SLC22A23: variants seen among roughly 807,000 people sequenced by gnomAD.
The protein encoded by SLC22A23 is ion transporter protein.
In SLC22A23, 26 loss-of-function variants were observed where a neutral mutation model predicts 61.0. The observed-to-expected ratio is 0.43, with a 90% confidence interval of 0.31 to 0.59. The LOEUF is 0.59. Ranked by LOEUF, SLC22A23 falls within the 20% of genes least tolerant of loss-of-function variation. The pLI is 0.11. For missense variants in SLC22A23, 796 were observed against 934.7 expected, an observed-to-expected ratio of 0.85 and a Z score of 1.94; for synonymous variants, 430 against 413.9, an observed-to-expected ratio of 1.04 and a Z score of -0.47.
At chr6:3,419,536 G>A (rs1769976734) in intron 1 of SLC22A23, among the ~76,000 whole-genome samples, 1 of 152,218 alleles carries the variant, frequency 6.6e-6, no homozygotes, top group African/African-American at 2.4e-5. Flanking sequence ...TCAGAGGGGA[G>A]GAAGGGAGGC....
At chr6:3,377,966 T>A (rs1766688416) in intron 3 of SLC22A23, 2 of 152,184 alleles carry the variant, frequency 1.3e-5, no homozygotes, top group South Asian at 4.1e-4. Context: ...TGTTGCTGTT[T>A]CACAGCTCCT....
At chr6:3,397,308 T>C (rs943536841) in intron 3 of SLC22A23, among the ~76,000 whole-genome samples, 1 of 152,168 alleles carries the variant, frequency 6.6e-6, no homozygotes, top group Non-Finnish European at 1.5e-5. Flanking sequence ...CACTCAGCAG[T>C]GAAAAAGTTC....
rs185213242 is a variant in SLC22A23, at chr6:3,446,486, G to A, written c.654+9420C>T. 4.7e-4 allele frequency among the ~76,000 whole-genome samples: 72 copies of A among 152,324 alleles called. No homozygotes were observed. In the Middle Eastern group the frequency reaches 0.017, roughly 36 times the overall value. On this transcript the variant is annotated intron_variant, in intron 1 of 9. Coordinates refer to ENST00000406686, the MANE Select transcript of SLC22A23 (RefSeq NM_015482.2). Reference sequence around the variant, plus strand: ...CATATCTGGGTCTTTCAGCTGTGTGGAAACTTAATTAGCATCCTCCCTTGT... The same window carrying A: ...CATATCTGGGTCTTTCAGCTGTGTGAAAACTTAATTAGCATCCTCCCTTGT...
chr6:3,348,947 C>T (rs1352561825), intron 3 of SLC22A23, among the ~76,000 whole-genome samples: 5 of 152,220 alleles, frequency 3.3e-5, no homozygotes, highest in Non-Finnish European at 5.9e-5. Context: ...GTCTCTCCAG[C>T]GTTCATCACC....
chr6:3,385,921 A>T (rs1346240283), intron 3 of SLC22A23, among the ~76,000 whole-genome samples: 1 of 152,208 alleles, frequency 6.6e-6, no homozygotes, highest in Non-Finnish European at 1.5e-5. Context: ...ATTTTTTTTC[A>T]CAGTTCTTTT....
rs1759979161 is a variant in SLC22A23, at chr6:3,286,125, G to C, written c.1546+734C>G. Among the ~76,000 whole-genome samples the C allele has an allele frequency of 6.7e-6, 1 of 148,602 alleles. No homozygotes were observed. Among genetic ancestry groups the C allele is most frequent in the Admixed American group, 6.7e-5 (1 of 14,950 alleles). On this transcript the variant is annotated intron_variant, in intron 7 of 9. Coordinates refer to ENST00000406686, the MANE Select transcript of SLC22A23 (RefSeq NM_015482.2). The surrounding 1 kb of genome is among the most constrained non-coding windows in gnomAD (Gnocchi z 4.2). ...ATTTTTTTTTTTTTTTTGAGATGGA[G>C]TCTTGCTCTGTCACCCAGGCTGGAG...
chr6:3,313,657 G>T (rs1392182345), intron 4 of SLC22A23: 1 of 152,208 alleles, frequency 6.6e-6, no homozygotes, highest in Non-Finnish European at 1.5e-5. Flanking sequence ...GGAAGTTGTT[G>T]TGTCTGTCAA....
intron 1 of SLC22A23, among the ~76,000 whole-genome samples, chr6:3,433,656 T>A (rs4518545): frequency 0.3 from 46,184 of 152,064 alleles, 8,161 homozygotes; most frequent in East Asian, 0.48. Flanking sequence ...GAAACAACCC[T>A]GCGTCCATCA....
intron 3 of SLC22A23, among the ~76,000 whole-genome samples, chr6:3,394,899 G>A (rs1195392467): frequency 1.3e-5 from 2 of 152,230 alleles, no homozygotes; most frequent in Non-Finnish European, 2.9e-5. Context: ...AAAGCAGCCA[G>A]AGAGTCACAG....
intron 1 of SLC22A23, among the ~76,000 whole-genome samples, chr6:3,450,774 G>A (rs1050657496): frequency 6.6e-6 from 1 of 152,218 alleles, no homozygotes; most frequent in African/African-American, 2.4e-5. Context: ...ACAGGTTTGT[G>A]TGTAAGGCAT....
intron 3 of SLC22A23, among the ~76,000 whole-genome samples, chr6:3,346,395 A>C (rs1408934681): frequency 1.3e-5 from 2 of 152,156 alleles, no homozygotes; most frequent in Admixed American, 6.5e-5. Context: ...CCCCAGGATG[A>C]GAACTGGGGG....
chr6:3,335,584 C>T (rs996761457), intron 3 of SLC22A23, among the ~76,000 whole-genome samples: 33 of 152,164 alleles, frequency 2.2e-4, no homozygotes, highest in African/African-American at 7.2e-4. Flanking sequence ...ACAGGTGACT[C>T]GACAGGTCAC....
At chr6:3,444,159 A>G (rs1771761240) in intron 1 of SLC22A23, among the ~76,000 whole-genome samples, 1 of 152,208 alleles carries the variant, frequency 6.6e-6, no homozygotes, top group African/African-American at 2.4e-5. Context: ...TTTATTTTAG[A>G]GGAATCCACT....
chr6:3,455,480 C>A (rs1028153370), intron 1 of SLC22A23, among the ~76,000 whole-genome samples: 1 of 152,182 alleles, frequency 6.6e-6, no homozygotes, highest in Non-Finnish European at 1.5e-5. Flanking sequence ...GTAGGCTTTA[C>A]CTGTGTCAAA....
At chr6:3,295,036 C>T (rs576453205) in intron 5 of SLC22A23, among the ~76,000 whole-genome samples, 18 of 152,060 alleles carry the variant, frequency 1.2e-4, no homozygotes, top group Admixed American at 2.6e-4. Flanking sequence ...GTCCTGGGTT[C>T]GTTTAGCCCA....
chr6:3,347,406 C>T (rs1193638230), intron 3 of SLC22A23, among the ~76,000 whole-genome samples: 1 of 152,118 alleles, frequency 6.6e-6, no homozygotes, highest in Non-Finnish European at 1.5e-5. Context: ...CAACCAACCC[C>T]CAACATTGGA....
intron 4 of SLC22A23, among the ~76,000 whole-genome samples, chr6:3,305,620 G>A (rs368474360): frequency 6.6e-6 from 1 of 152,114 alleles, no homozygotes; most frequent in African/African-American, 2.4e-5. Context: ...ACGTAATAAC[G>A]CCACACAAAT....
intron 3 of SLC22A23, among the ~76,000 whole-genome samples, chr6:3,352,222 C>T (rs1387709017): frequency 6.6e-6 from 1 of 152,052 alleles, no homozygotes; most frequent in African/African-American, 2.4e-5. Flanking sequence ...ACCACGTACA[C>T]GGACATGTAC....
chr6:3,377,260 T>C (rs1329623225), intron 3 of SLC22A23, among the ~76,000 whole-genome samples: 1 of 152,216 alleles, frequency 6.6e-6, no homozygotes, highest in Non-Finnish European at 1.5e-5. Context: ...AGAAAAAGTT[T>C]GCTGAGCCCT....
Sources: allele counts gnomAD v4.1 joint callset (sites outside exome capture counted in the v4.1 genomes callset), GRCh38; gene constraint gnomAD v4.1.1; non-coding constraint Gnocchi (gnomAD v3.1); transcripts MANE v1.5; gene names NCBI Gene and HGNC (gene_info 2026-07-23, HGNC 2026-07-21).